The following FAM171B variants were observed in gnomAD, a reference collection of about 807,000 sequenced individuals.
FAM171B encodes protein FAM171B.
In FAM171B, 19 loss-of-function variants were observed where a neutral mutation model predicts 75.6. The ratio of observed to expected loss-of-function variants is 0.25; its 90% CI spans 0.18 to 0.37. The LOEUF (loss-of-function observed/expected upper bound fraction) is 0.37. FAM171B is among the 10% of genes least tolerant of loss of function. The pLI is 1.00. For synonymous variants in FAM171B, 367 were observed against 361.7 expected, an observed-to-expected ratio of 1.01 and a Z score of -0.17; for missense variants, 848 against 982.4, an observed-to-expected ratio of 0.86 and a Z score of 1.83.
At chr2:186,747,689 G>T (rs538714613) in intron 4 of FAM171B, among the ~76,000 whole-genome samples, 3 of 151,868 alleles carry the variant, frequency 2.0e-5, no homozygotes, top group African/African-American at 7.3e-5. Flanking sequence ...TTATAGATTG[G>T]AGTAAGCTAT....
At chr2:186,760,311 G>T (rs1690595979) in intron 6 of FAM171B, among the ~76,000 whole-genome samples, 1 of 152,014 alleles carries the variant, frequency 6.6e-6, no homozygotes, top group Non-Finnish European at 1.5e-5. Flanking sequence ...AGAAGGAGCT[G>T]CAACTCTTAA....
At chr2:186,723,686 GA>G (rs1166784588) in intron 1 of FAM171B, among the ~76,000 whole-genome samples, 2 of 152,164 alleles carry the variant, frequency 1.3e-5, no homozygotes, top group Admixed American at 1.3e-4. Flanking sequence ...AGAAGTTGCT[GA>G]AGGAAGAAAT....
intron 1 of FAM171B, among the ~76,000 whole-genome samples, chr2:186,723,417 T>C (rs1383427077): frequency 6.6e-6 from 1 of 152,182 alleles, no homozygotes; most frequent in Non-Finnish European, 1.5e-5. Flanking sequence ...TATTCAAAAA[T>C]TTGTTTTCTC....
intron 2 of FAM171B, among the ~76,000 whole-genome samples, chr2:186,742,953 A>G (rs1327362180): frequency 2.0e-5 from 3 of 152,142 alleles, no homozygotes; most frequent in African/African-American, 7.2e-5. Flanking sequence ...CCTTTGAATC[A>G]TTTTGTGCAT....
chr2:186,725,595 A>G (rs1054184237), intron 1 of FAM171B, among the ~76,000 whole-genome samples: 1 of 152,102 alleles, frequency 6.6e-6, no homozygotes, highest in African/African-American at 2.4e-5. Flanking sequence ...TCAAAACTCA[A>G]TTCTGATTTT....
chr2:186,754,682 A>G (rs112221059), intron 6 of FAM171B, among the ~76,000 whole-genome samples: 1 of 152,168 alleles, frequency 6.6e-6, no homozygotes, highest in Non-Finnish European at 1.5e-5. Flanking sequence ...GGCTCTTGGA[A>G]GTCTGCAGAC....
At chr2:186,758,748 G>A (rs1690571140) in intron 6 of FAM171B, among the ~76,000 whole-genome samples, 1 of 151,828 alleles carries the variant, frequency 6.6e-6, no homozygotes, top group Non-Finnish European at 1.5e-5. Context: ...TTTTGATACA[G>A]GCATACAGTG....
chr2:186,727,972 C>T (rs1490051825), intron 1 of FAM171B, among the ~76,000 whole-genome samples: 2 of 152,038 alleles, frequency 1.3e-5, no homozygotes, highest in Non-Finnish European at 2.9e-5. Context: ...GGGTAGAGAG[C>T]AAACTAGGCC....
chr2:186,749,921 G>GA lies in FAM171B; in HGVS notation c.725-1207dup, dbSNP rs144238900. On this transcript the variant is annotated intron_variant, in intron 4 of 7. Coordinates refer to ENST00000304698, the MANE Select transcript of FAM171B (RefSeq NM_177454.4). ...ATCATGCACTTACATTTGGGTGGGG[G>GA]AAAAAACTGATGAGGAGTAAATACA... is the stretch of plus-strand genomic sequence containing the variant. Among the ~76,000 whole-genome samples the GA allele has an allele frequency of 9.0e-3, 1,365 of 151,898 alleles. 9 individuals are homozygous for GA. Among genetic ancestry groups the GA allele is most frequent in the Non-Finnish European group, 0.015 (992 of 67,944 alleles).
intron 4 of FAM171B, among the ~76,000 whole-genome samples, chr2:186,750,421 C>G (rs1690435262): frequency 6.6e-6 from 1 of 152,056 alleles, no homozygotes; most frequent in Non-Finnish European, 1.5e-5. Flanking sequence ...TGTTATCTCC[C>G]TTTCTCCTGC....
rs1690682598 is a variant in FAM171B at position 186,765,241 on chromosome 2, C to A, written c.*2418C>A. 1 of 151,858 alleles carries A rather than the reference C, an allele frequency of 6.6e-6. No homozygotes were observed. The highest frequency in any genetic ancestry group is 6.6e-5 in the Admixed American group (1 of 15,218). 9.4% of individuals were successfully genotyped at this position (151,858 alleles called of 1,614,324 possible). A position where few individuals can be genotyped will look rare whatever the true frequency, so the allele number is the denominator to read the frequency against. ...CTTTCTTAAATTTTTAAATTGAAAA[C>A]CAAGGTTTTTTCAAATATAAACCTA... On this transcript the variant is annotated 3_prime_UTR_variant, in exon 8 of 8. Transcript: ENST00000304698.
At chr2:186,734,266 G>A (rs886379167) in intron 1 of FAM171B, among the ~76,000 whole-genome samples, 8 of 151,716 alleles carry the variant, frequency 5.3e-5, no homozygotes, top group Admixed American at 1.3e-4. Flanking sequence ...CCTATCCAGA[G>A]GCAGGTTGTC....
At chr2:186,703,629 C>G (rs990988115) in intron 1 of FAM171B, among the ~76,000 whole-genome samples, 2 of 152,258 alleles carry the variant, frequency 1.3e-5, no homozygotes, top group African/African-American at 4.8e-5. Flanking sequence ...AGCAGATGTC[C>G]TGGAGTTTGT....
At chr2:186,713,992 GATA>G (rs1689841989) in intron 1 of FAM171B, among the ~76,000 whole-genome samples, 1 of 152,176 alleles carries the variant, frequency 6.6e-6, no homozygotes, top group Non-Finnish European at 1.5e-5. Flanking sequence ...TTATTGAAAA[GATA>G]ATGTTCTTCT....
Position 186,751,241 on chromosome 2 carries a change from C to A in FAM171B, c.832C>A (p.Leu278Ile). The stretch of plus-strand genomic sequence containing the variant: ...CTCTATTCAAGTTTCTCTTCCTCTT[C>A]TACGTCTGAATGATATAAGTGCAGG... The part of the protein sequence containing the change: ...NGSIQVSLPL[L>I]RLNDISAGDR... The change falls in exon 5 of 8, where the codon CTA becomes ATA. Residue 278 changes from leucine to isoleucine, a missense_variant. By Grantham distance (5) the Leu-to-Ile change is conservative. Coordinates refer to ENST00000304698, the MANE Select transcript of FAM171B (RefSeq NM_177454.4). 1 of 1,611,260 alleles carries A rather than the reference C, an allele frequency of 6.2e-7. No individual in the cohort carries two copies. Among genetic ancestry groups the A allele is most frequent in the Non-Finnish European group, 8.5e-7 (1 of 1,178,144 alleles).
At chr2:186,721,119 C>T (rs1689947262) in intron 1 of FAM171B, among the ~76,000 whole-genome samples, 1 of 152,116 alleles carries the variant, frequency 6.6e-6, no homozygotes, top group African/African-American at 2.4e-5. Flanking sequence ...CAGGATATTA[C>T]CTATTTATCA....
At chr2:186,703,076 TACACACACAC>T (rs35043744) in intron 1 of FAM171B, among the ~76,000 whole-genome samples, 2 of 145,574 alleles carry the variant, frequency 1.4e-5, no homozygotes, top group African/African-American at 2.6e-5. Flanking sequence ...TATATATATA[TACACACACAC>T]ACACACACAC....
chr2:186,700,869 T>A (rs368421442), intron 1 of FAM171B, among the ~76,000 whole-genome samples: 80 of 152,286 alleles, frequency 5.3e-4, no homozygotes, highest in African/African-American at 1.9e-3. Context: ...TAATGAAATT[T>A]AATGTGTAGT....
At chr2:186,721,271 G>T (rs1689948647) in intron 1 of FAM171B, among the ~76,000 whole-genome samples, 2 of 152,106 alleles carry the variant, frequency 1.3e-5, no homozygotes, top group African/African-American at 4.8e-5. Context: ...GTGGCAAAAG[G>T]TTAGTCTCCT....
Sources: allele counts gnomAD v4.1 joint callset (sites outside exome capture counted in the v4.1 genomes callset), GRCh38; gene constraint gnomAD v4.1.1; transcripts MANE v1.5; gene names NCBI Gene and HGNC (gene_info 2026-07-23, HGNC 2026-07-21).